Variants in STAC observed in about 807,000 individuals in gnomAD.
STAC encodes the protein SH3 and cysteine-rich domain-containing protein.
A neutral mutation model predicts 48.8 loss-of-function variants in STAC; 43 were observed. The observed-to-expected ratio is 0.88, with a 90% confidence interval of 0.69 to 1.14. STAC has a LOEUF of 1.14. STAC is among the 50% of genes most tolerant of loss of function. The probability of loss-of-function intolerance (pLI) is 0.00; values close to 1 mark genes in which losing one functional copy is unlikely to be tolerated. For synonymous variants in STAC, 193 were observed against 179.5 expected (o/e 1.07, Z -0.60); for missense variants, 497 against 504.0 (o/e 0.99, Z 0.13).
chr3:36,445,478 G>A (rs1696482331), intron 2 of STAC, among the ~76,000 whole-genome samples: 1 of 152,162 alleles, frequency 6.6e-6, no homozygotes, highest in Non-Finnish European at 1.5e-5. Flanking sequence ...GGGAAGGGGA[G>A]AGAAAGAAAA....
At chr3:36,419,654 GACC>G (rs142137662) in intron 1 of STAC, among the ~76,000 whole-genome samples, 3,527 of 152,224 alleles carry the variant, frequency 0.023, 58 homozygotes, top group Non-Finnish European at 0.026. Flanking sequence ...AAGTTTTTTG[GACC>G]ACCCTCAGAG....
chr3:36,523,337 T>A (rs1698850436), intron 8 of STAC, among the ~76,000 whole-genome samples: 1 of 152,226 alleles, frequency 6.6e-6, no homozygotes, highest in South Asian at 2.1e-4. Flanking sequence ...CCAGCTGTGG[T>A]GCTCTGACCT....
At chr3:36,517,226 T>A in intron 8 of STAC, among the ~76,000 whole-genome samples, 1 of 152,178 alleles carries the variant, frequency 6.6e-6, no homozygotes, top group East Asian at 1.9e-4. Flanking sequence ...GTATAGTGGA[T>A]AATCTCCTGA....
At chr3:36,519,879 C>G (rs973344885) in intron 8 of STAC, among the ~76,000 whole-genome samples, 1 of 152,090 alleles carries the variant, frequency 6.6e-6, no homozygotes, top group Admixed American at 6.6e-5. Flanking sequence ...AGATGCAAAA[C>G]CAGTCAGTAG....
At chr3:36,453,610 T>A (rs7431136) in intron 2 of STAC, among the ~76,000 whole-genome samples, 1 of 88,984 alleles carries the variant, frequency 1.1e-5, no homozygotes, top group African/African-American at 3.7e-5. Context: ...CCTGTGCGGC[T>A]GGAGCCTCCC....
chr3:36,383,622 G>A (rs73054114), intron 1 of STAC, among the ~76,000 whole-genome samples: 2,723 of 152,208 alleles, frequency 0.018, 51 homozygotes, highest in Non-Finnish European at 0.025. Flanking sequence ...CATATTTCAG[G>A]TGTTTTAAGC....
rs116216059 is a variant in STAC, at chr3:36,524,820, C to A, written c.921-3876C>A. Among the ~76,000 whole-genome samples, 1,121 of 152,068 alleles carry A rather than the reference C, an allele frequency of 7.4e-3. 14 individuals are homozygous for A. Among genetic ancestry groups the A allele is most frequent in the Non-Finnish European group, 0.013 (910 of 67,980 alleles). ...ATCCCACAAGCCACAGATTTGCTGG[C>A]CTAGATGTTAGAGAGTTACTACCTT... is the stretch of plus-strand genomic sequence containing the variant. On this transcript the variant is annotated intron_variant, in intron 8 of 10. Transcript: ENST00000273183.
intron 1 of STAC, among the ~76,000 whole-genome samples, chr3:36,438,806 C>G (rs1696231109): frequency 6.6e-6 from 1 of 152,174 alleles, no homozygotes; most frequent in South Asian, 2.1e-4. Context: ...AGCACATGAG[C>G]ACAGGAGGGA....
In STAC at chr3:36,443,600, G is replaced by A. The variant is rs370767909; in HGVS notation, c.348G>A (p.Lys116=). 13 of 1,613,860 alleles carry A rather than the reference G, an allele frequency of 8.1e-6. No individual in the cohort carries two copies. The highest frequency in any genetic ancestry group is 1.0e-5 in the Non-Finnish European group (12 of 1,180,034). Residue 116 remains lysine (K), a synonymous_variant, in exon 2 of 11, where the codon AAG becomes AAA. Coordinates refer to ENST00000273183, the MANE Select transcript of STAC (RefSeq NM_003149.3). This position sits in a 1 kb window ranked among gnomAD's most constrained non-coding sequence, Gnocchi z 4.2. Reference sequence around the variant, plus strand: ...ATGCCTTTCAGGAATACATCTTCAAGAAGCCCACTTTCTGTGATGTCTGCA... The same window carrying A: ...ATGCCTTTCAGGAATACATCTTCAAAAAGCCCACTTTCTGTGATGTCTGCA... ...KAHAFQEYIF[K]KPTFCDVCNH...
At chr3:36,501,326 A>T (rs1284236922) in intron 6 of STAC, among the ~76,000 whole-genome samples, 1 of 152,200 alleles carries the variant, frequency 6.6e-6, no homozygotes, top group East Asian at 1.9e-4. Context: ...GAAAAGCAGA[A>T]GGCAATAATA....
intron 1 of STAC, among the ~76,000 whole-genome samples, chr3:36,433,294 T>C (rs887276333): frequency 6.6e-6 from 1 of 152,024 alleles, no homozygotes; most frequent in Non-Finnish European, 1.5e-5. Context: ...TCTAGGTGCA[T>C]GGGGTGCAGG....
chr3:36,428,701 G>A (rs1700623127), intron 1 of STAC, among the ~76,000 whole-genome samples: 1 of 152,180 alleles, frequency 6.6e-6, no homozygotes, highest in Non-Finnish European at 1.5e-5. Flanking sequence ...TGAAGGCCCT[G>A]ACGTAGCAGT....
chr3:36,492,030 AAATATATATATATATATATATATATATAT>A (rs1697993521), intron 5 of STAC, among the ~76,000 whole-genome samples: 1 of 33,732 alleles, frequency 3.0e-5, no homozygotes, highest in African/African-American at 8.6e-5. Flanking sequence ...AAAAAAAAAA[AAATATATATATATATATATATATATATAT>A]ATATATATGT....
chr3:36,413,874 T>G (rs751568702), intron 1 of STAC, among the ~76,000 whole-genome samples: 21 of 152,234 alleles, frequency 1.4e-4, no homozygotes, highest in Non-Finnish European at 2.8e-4. Flanking sequence ...GGGCTGGTGG[T>G]GACAAAATCT....
chr3:36,396,334 AAAT>A (rs1348406374), intron 1 of STAC, among the ~76,000 whole-genome samples: 1 of 152,158 alleles, frequency 6.6e-6, no homozygotes, highest in Admixed American at 6.5e-5. Flanking sequence ...TTTCTTGGAA[AAAT>A]AATATTATAA....
chr3:36,533,520 T>G (rs976035525), intron 10 of STAC, among the ~76,000 whole-genome samples: 1 of 125,824 alleles, frequency 7.9e-6, no homozygotes, highest in Non-Finnish European at 1.6e-5. Flanking sequence ...ATCTTATGCT[T>G]TCCCATTTGA....
At chr3:36,526,907 A>G (rs936587052) in intron 8 of STAC, among the ~76,000 whole-genome samples, 1 of 152,218 alleles carries the variant, frequency 6.6e-6, no homozygotes, top group African/African-American at 2.4e-5. Flanking sequence ...CAGTGGTAAG[A>G]AAATCCTCCT....
chr3:36,483,482 C>T (rs76551567), intron 3 of STAC, among the ~76,000 whole-genome samples: 2,586 of 152,250 alleles, frequency 0.017, 22 homozygotes, highest in Non-Finnish European at 0.021. Flanking sequence ...TGGTGGTCAG[C>T]TCAGTGGGTA....
intron 10 of STAC, among the ~76,000 whole-genome samples, chr3:36,535,461 T>C (rs1699175882): frequency 6.6e-6 from 1 of 152,188 alleles, no homozygotes; most frequent in Non-Finnish European, 1.5e-5. Context: ...ATACCTGTTG[T>C]TTCTTTCTCT....
Sources: allele counts gnomAD v4.1 joint callset (sites outside exome capture counted in the v4.1 genomes callset), GRCh38; gene constraint gnomAD v4.1.1; non-coding constraint Gnocchi (gnomAD v3.1); transcripts MANE v1.5; gene names NCBI Gene and HGNC (gene_info 2026-07-23, HGNC 2026-07-21).